The following UQCR11 variants were observed in gnomAD, a reference collection of about 807,000 sequenced individuals.
UQCR11 encodes cytochrome b-c1 complex subunit 10.
Under a neutral mutation model 7.6 loss-of-function variants are expected in UQCR11, and 10 were observed. The observed-to-expected ratio is 1.31, with a 90% CI of 0.81 to 2.22. UQCR11 has a LOEUF of 2.22. UQCR11 is among the 30% of genes most tolerant of loss of function. The probability of loss-of-function intolerance (pLI) is 0.00; values close to 1 mark genes in which losing one functional copy is unlikely to be tolerated. For synonymous variants in UQCR11, 34 were observed against 34.9 expected, an observed-to-expected ratio of 0.97 and a Z score of 0.09; for missense variants, 86 against 75.1, an observed-to-expected ratio of 1.15 and a Z score of -0.54.
At chr19:1,605,279 A>G (rs371311867) in intron 1 of UQCR11, 81 bp downstream of exon 1, 9 of 1,444,656 alleles carry the variant, frequency 6.2e-6, no homozygotes, top group Non-Finnish European at 9.1e-7. Context: ...GCCCCCGGAA[A>G]CGCGCACAAA....
Position 1,605,440 on chromosome 19 carries a change from T to G in UQCR11, c.-31A>C, listed in dbSNP as rs1260858696. The G allele has an allele frequency of 3.1e-6, 4 of 1,301,832 alleles. No individual in the cohort carries two copies. The highest frequency in any genetic ancestry group is 3.0e-6 in the Non-Finnish European group (3 of 1,003,904). The allele number at this position is 1,301,832 out of a possible 1,614,324, so 80.6% of individuals were successfully genotyped here. ...CGGAGTCGCACCCTCAGGATGACCCTGTCCAGCTGACCCGGCTACACTGCG... is the reference window on the plus strand; with the variant it reads ...CGGAGTCGCACCCTCAGGATGACCCGGTCCAGCTGACCCGGCTACACTGCG... On this transcript the variant is annotated 5_prime_UTR_variant, in exon 1 of 3. Coordinates refer to ENST00000591899, the MANE Select transcript of UQCR11 (RefSeq NM_006830.4).
At chr19:1,604,376 G>A (rs750564875) in intron 1 of UQCR11, among the ~76,000 whole-genome samples, 1 of 152,072 alleles carries the variant, frequency 6.6e-6, no homozygotes, top group Non-Finnish European at 1.5e-5. Context: ...ACCATGCCCT[G>A]ATAATTTTTT....
At chr19:1,599,308 A>G (rs2145619594) in intron 2 of UQCR11, 104 bp downstream of exon 2, 3 of 1,449,914 alleles carry the variant, frequency 2.1e-6, no homozygotes, top group South Asian at 1.3e-5. Flanking sequence ...CTCCAGGGGG[A>G]GCAGTGAGGG....
chr19:1,601,495 G>A (rs901820214), intron 1 of UQCR11, among the ~76,000 whole-genome samples: 2 of 151,856 alleles, frequency 1.3e-5, no homozygotes, highest in African/African-American at 4.8e-5. Context: ...CAGCTACTTG[G>A]GAGGCTGAGG....
At chr19:1,600,456 G>A (rs934324179) in intron 1 of UQCR11, among the ~76,000 whole-genome samples, 2 of 151,940 alleles carry the variant, frequency 1.3e-5, no homozygotes, top group Non-Finnish European at 2.9e-5. Context: ...CTCGTGATCC[G>A]CCCGCCTCGG....
At chr19:1,599,367 TC>T (rs1369710042) in intron 2 of UQCR11, 44 bp downstream of exon 2, 4 of 1,595,396 alleles carry the variant, frequency 2.5e-6, no homozygotes, top group South Asian at 1.1e-5. Context: ...TCGGCCACCA[TC>T]CGGCCATCAT....
At chr19:1,602,076 C>T (rs2060748842) in intron 1 of UQCR11, 1 of 152,178 alleles carries the variant, frequency 6.6e-6, no homozygotes. Flanking sequence ...GCAGGAGAAT[C>T]ACTTGAACTC....
At chr19:1,599,681 C>T in intron 1 of UQCR11, 121 bp from the exon 2 acceptor site, 1 of 1,434,850 alleles carries the variant, frequency 7.0e-7, no homozygotes, top group South Asian at 1.4e-5. Flanking sequence ...GCACCTGTGC[C>T]CGCCCAGTGC....
At chr19:1,600,503 G>A (rs955158657) in intron 1 of UQCR11, among the ~76,000 whole-genome samples, 5 of 151,922 alleles carry the variant, frequency 3.3e-5, no homozygotes, top group East Asian at 1.9e-4. Context: ...GTGAGCCACC[G>A]CGCCCGGCCG....
chr19:1,604,219 A>G (rs1333381120), intron 1 of UQCR11, among the ~76,000 whole-genome samples: 1 of 152,192 alleles, frequency 6.6e-6, no homozygotes, highest in Non-Finnish European at 1.5e-5. Context: ...TGTTGGGATT[A>G]CAGGCGTGAG....
rs747959145 is a variant in UQCR11 at position 1,605,425 on chromosome 19, C to T, written c.-16G>A. ...GGGTCACCATCGCGGCGGAGTCGCA[C>T]CCTCAGGATGACCCTGTCCAGCTGA... On this transcript the variant is annotated 5_prime_UTR_variant, in exon 1 of 3. It adds an upstream start codon to the 5' untranslated region. Coordinates refer to ENST00000591899, the MANE Select transcript of UQCR11 (RefSeq NM_006830.4). The T allele has an allele frequency of 6.4e-7, 1 of 1,558,078 alleles. No homozygotes were observed. The highest frequency in any genetic ancestry group is 1.2e-5 in the South Asian group (1 of 84,716).
At chr19:1,599,272 A>C (rs369562963) in intron 2 of UQCR11, 140 bp downstream of exon 2, 1 of 1,155,336 alleles carries the variant, frequency 8.7e-7, no homozygotes. Flanking sequence ...AGGGGCACCC[A>C]GGGCCCCACT....
intron 1 of UQCR11, among the ~76,000 whole-genome samples, chr19:1,604,906 G>A (rs1485486931): frequency 1.3e-5 from 2 of 152,252 alleles, no homozygotes; most frequent in Non-Finnish European, 2.9e-5. Context: ...CTTCTATGGG[G>A]GCCACCCCTA....
rs934204022 is a variant in UQCR11 at position 1,597,749 on chromosome 19, T to G, written c.*495A>C. 2 of 152,184 alleles carry G rather than the reference T, an allele frequency of 1.3e-5. No homozygotes were observed. The highest frequency in any genetic ancestry group is 1.3e-4 in the Admixed American group (2 of 15,280). 9.4% of individuals were successfully genotyped at this position (152,184 alleles called of 1,614,324 possible). The stretch of plus-strand genomic sequence containing the variant: ...TCTTAACTGCAACCTCATGAGAGAC[T>G]CTGGGCCACAACCACCCAGATACAT... On this transcript the variant is annotated 3_prime_UTR_variant, in exon 3 of 3. Coordinates refer to ENST00000591899, the MANE Select transcript of UQCR11 (RefSeq NM_006830.4).
intron 1 of UQCR11, among the ~76,000 whole-genome samples, chr19:1,601,377 C>T (rs1390558312): frequency 3.3e-5 from 5 of 151,918 alleles, no homozygotes; most frequent in Middle Eastern, 3.4e-3. Context: ...GTGAGGTGGG[C>T]GGATCATGAG....
At chr19:1,599,827 T>C (rs1204013118) in intron 1 of UQCR11, among the ~76,000 whole-genome samples, 2 of 152,146 alleles carry the variant, frequency 1.3e-5, no homozygotes, top group African/African-American at 4.8e-5. Context: ...CATGTGTAGG[T>C]GTTTGTAAGT....
intron 1 of UQCR11, chr19:1,601,954 G>C (rs1859621242): frequency 6.6e-6 from 1 of 152,182 alleles, no homozygotes; most frequent in African/African-American, 2.4e-5. Flanking sequence ...CTGAGGTCAG[G>C]AATTCTAGAC....
intron 1 of UQCR11, chr19:1,602,089 T>C (rs1599357396): frequency 1.3e-5 from 2 of 152,176 alleles, no homozygotes; most frequent in East Asian, 1.9e-4. Flanking sequence ...TTGAACTCTG[T>C]AGGTCGAGGT....
intron 2 of UQCR11, 103 bp downstream of exon 2, chr19:1,599,309 G>T: frequency 6.9e-7 from 1 of 1,458,270 alleles, no homozygotes; most frequent in Middle Eastern, 1.9e-4. Context: ...TCCAGGGGGA[G>T]CAGTGAGGGC....
Sources: allele counts gnomAD v4.1 joint callset (sites outside exome capture counted in the v4.1 genomes callset), GRCh38; gene constraint gnomAD v4.1.1; transcripts MANE v1.5; gene names NCBI Gene and HGNC (gene_info 2026-07-23, HGNC 2026-07-21).